DNAJA3: variants seen among roughly 807,000 people sequenced by gnomAD.
DNAJA3 encodes DnaJ heat shock protein family (Hsp40) member A3.
DNAJA3 carries 29 observed loss-of-function variants against 54.9 expected under a neutral mutation model. The ratio of observed to expected loss-of-function variants is 0.53; its 90% confidence interval spans 0.39 to 0.72. DNAJA3 has a LOEUF of 0.72. Among genes scored for constraint, DNAJA3 ranks in the 30% least tolerant of loss-of-function variants. The probability of loss-of-function intolerance (pLI) is 0.00; values close to 1 mark genes in which losing one functional copy is unlikely to be tolerated. For synonymous variants in DNAJA3, 302 were observed against 251.4 expected, an observed-to-expected ratio of 1.20 and a Z score of -1.90; for missense variants, 708 against 639.4, an observed-to-expected ratio of 1.11 and a Z score of -1.16.
intron 6 of DNAJA3, among the ~76,000 whole-genome samples, chr16:4,444,424 A>C (rs1365493892): frequency 6.7e-6 from 1 of 148,892 alleles, no homozygotes; most frequent in African/African-American, 2.5e-5. Flanking sequence ...GCTCACTGCA[A>C]CCTCCGCCTC....
chr16:4,445,665 C>T (rs891534596), intron 7 of DNAJA3, among the ~76,000 whole-genome samples: 21 of 152,200 alleles, frequency 1.4e-4, no homozygotes, highest in Admixed American at 1.2e-3. Context: ...GATCCTCCCA[C>T]CTCAGCCTCC....
In DNAJA3 at chr16:4,441,002, G is replaced by T. The variant is rs149605937; in HGVS notation, c.430-373G>T. ...GCTTGCAGAAAACCTTTCGATGAAG[G>T]TAAGGGTAGGAAGCATAAATTCTCT... On this transcript the variant is annotated intron_variant, in intron 3 of 11. Transcript: ENST00000262375. The T allele has an allele frequency of 2.1e-3, 504 of 237,838 alleles. 3 individuals are homozygous for T. Among genetic ancestry groups the T allele is most frequent in the African/African-American group, 9.0e-3 (404 of 44,768 alleles). The allele number at this position is 237,838 out of a possible 1,614,324, so 14.7% of individuals were successfully genotyped here.
In DNAJA3 at chr16:4,441,429, T is replaced by C; in HGVS notation, c.484T>C (p.Phe162Leu). Reference protein sequence around the residue: ...KQYDAYGSAGFDPGASGSQHS... With the variant: ...KQYDAYGSAGLDPGASGSQHS... The stretch of plus-strand genomic sequence containing the variant: ...GTACGATGCCTACGGCTCTGCAGGC[T>C]TCGATCCTGGGGCCAGCGGCTCCCA... The change falls in exon 4 of 12, where the codon TTC (phenylalanine) becomes CTC (leucine). Residue 162 changes from phenylalanine to leucine, a missense_variant. Coordinates refer to ENST00000262375, the MANE Select transcript of DNAJA3 (RefSeq NM_005147.6). 1 of 1,614,164 alleles carries C rather than the reference T, an allele frequency of 6.2e-7. No homozygotes were observed. Among genetic ancestry groups the C allele is most frequent in the South Asian group, 1.1e-5 (1 of 91,072 alleles).
intron 3 of DNAJA3, among the ~76,000 whole-genome samples, chr16:4,438,409 G>C (rs2056798372): frequency 1.3e-5 from 2 of 151,920 alleles, no homozygotes; most frequent in Non-Finnish European, 2.9e-5. Context: ...ATTCACAGTT[G>C]GATTAATTAA....
chr16:4,448,429 C>T (rs529005130), intron 8 of DNAJA3, among the ~76,000 whole-genome samples: 39 of 152,156 alleles, frequency 2.6e-4, no homozygotes, highest in East Asian at 1.9e-4. Flanking sequence ...CTGCAACCTC[C>T]GCCTCCCGGG....
chr16:4,426,193 G>T, intron 1 of DNAJA3, 101 bp downstream of exon 1: 1 of 1,244,936 alleles, frequency 8.0e-7, no homozygotes, highest in Non-Finnish European at 1.1e-6. Context: ...GGTGGAGGGT[G>T]TCTTCCGACG....
At chr16:4,449,057 C>T (rs559429886) in intron 9 of DNAJA3, among the ~76,000 whole-genome samples, 7 of 152,034 alleles carry the variant, frequency 4.6e-5, no homozygotes, top group South Asian at 2.1e-4. Context: ...AGTGCAGTGG[C>T]GCCATCTCGG....
chr16:4,442,226 G>A (rs372053266), intron 4 of DNAJA3, 42 bp from the exon 5 acceptor site: 12 of 1,525,794 alleles, frequency 7.9e-6, no homozygotes, highest in South Asian at 5.2e-5. Context: ...AGTTTTGGTC[G>A]TTGCAAACAA....
At position 4,437,416 on chromosome 16, in the gene DNAJA3, T is replaced by C. The variant is rs1435656696; in HGVS notation, c.360T>C (p.Tyr120=). ...TTTTCCCTTAGCTTGCCAAGAAGTA[T>C]CACCCTGACACAAATAAGGATGATC... ...KKAYYQLAKK[Y]HPDTNKDDPK... is the part of the protein sequence containing the mutation. Residue 120 remains tyrosine, a synonymous_variant, in exon 3 of 12, where the codon TAT becomes TAC. Transcript: ENST00000262375. 1 of 1,613,990 alleles carries C rather than the reference T, an allele frequency of 6.2e-7. No individual in the cohort carries two copies. The highest frequency in any genetic ancestry group is 8.5e-7 in the Non-Finnish European group (1 of 1,180,026).
intron 5 of DNAJA3, 151 bp from the exon 6 acceptor site, chr16:4,442,866 C>T: frequency 2.6e-6 from 2 of 779,018 alleles, no homozygotes; most frequent in East Asian, 2.7e-5. Flanking sequence ...GATTGAGGCC[C>T]TGCACCTGGG....
intron 8 of DNAJA3, chr16:4,448,031 T>G (rs992887514): frequency 7.3e-6 from 1 of 136,250 alleles, no homozygotes; most frequent in Admixed American, 7.4e-5. Context: ...TTCTTTTTTT[T>G]TTTTTTTTTT....
rs756594607 is a variant in DNAJA3 at position 4,444,644 on chromosome 16, C to A, written c.932-20C>A. 44 of 1,613,160 alleles carry A rather than the reference C, an allele frequency of 2.7e-5. No homozygotes were observed. The highest frequency in any genetic ancestry group is 3.6e-5 in the Non-Finnish European group (43 of 1,179,278). ...CCACCGCGTCCTGCCTAACTTCTCC[C>A]TTTCTAATGTCCCTTGTAGGAGTCG... is the stretch of plus-strand genomic sequence containing the variant. On this transcript the variant is annotated intron_variant, in intron 6 of 11. Transcript: ENST00000262375.
At chr16:4,434,593 C>T in intron 2 of DNAJA3, 76 bp downstream of exon 2, 1 of 1,531,864 alleles carries the variant, frequency 6.5e-7, no homozygotes, top group Non-Finnish European at 8.8e-7. Flanking sequence ...CTGATCAGTA[C>T]AGCGTATGTG....
At chr16:4,434,120 C>G (rs1265949958) in intron 1 of DNAJA3, 3 of 406,628 alleles carry the variant, frequency 7.4e-6, no homozygotes, top group Non-Finnish European at 1.3e-5. Flanking sequence ...CCTCATAAAA[C>G]TATCAGATCT....
At chr16:4,446,206 C>T (rs563418769) in intron 7 of DNAJA3, among the ~76,000 whole-genome samples, 8 of 151,638 alleles carry the variant, frequency 5.3e-5, no homozygotes, top group Admixed American at 1.3e-4. Flanking sequence ...CAAGCGTGAG[C>T]CACCACGGCT....
intron 2 of DNAJA3, among the ~76,000 whole-genome samples, chr16:4,435,519 A>G (rs1283882934): frequency 6.6e-6 from 1 of 152,150 alleles, no homozygotes; most frequent in African/African-American, 2.4e-5. Context: ...AGCAGCTGCT[A>G]ATCTGCGTCC....
intron 7 of DNAJA3, among the ~76,000 whole-genome samples, chr16:4,445,757 G>T (rs2056894872): frequency 6.6e-6 from 1 of 151,934 alleles, no homozygotes; most frequent in Non-Finnish European, 1.5e-5. Context: ...TCACCATGTT[G>T]CCCAGGGTGG....
Position 4,443,068 on chromosome 16 carries a change from G to A in DNAJA3, c.835G>A (p.Gly279Ser). ...FVMRSTCRRC[G>S]GRGSIIISPC... is the part of the protein sequence containing the mutation. The stretch of plus-strand genomic sequence containing the variant: ...GATGCGTTCCACGTGTAGGAGATGT[G>A]GTGGCCGCGGCTCCATCATCATATC... Residue 279 changes from glycine to serine, a missense_variant, in exon 6 of 12, where the codon GGT becomes AGT. Coordinates refer to ENST00000262375, the MANE Select transcript of DNAJA3 (RefSeq NM_005147.6). The A allele has an allele frequency of 6.2e-7, 1 of 1,613,880 alleles. No individual in the cohort carries two copies.
chr16:4,429,571 A>G (rs1288057354), intron 1 of DNAJA3, among the ~76,000 whole-genome samples: 1 of 151,894 alleles, frequency 6.6e-6, no homozygotes, highest in African/African-American at 2.4e-5. Context: ...ATGGTGGCTC[A>G]CGCCTGTAAT....
Sources: gnomAD v4.1 joint callset for allele counts (sites outside exome capture counted in the v4.1 genomes callset) on GRCh38, gnomAD v4.1.1 for gene constraint, MANE v1.5 for transcripts, NCBI Gene and HGNC (gene_info 2026-07-23, HGNC 2026-07-21) for gene names.